The following ABTB2 variants were observed in gnomAD, a reference collection of about 807,000 sequenced individuals.
The protein encoded by ABTB2 is ankyrin repeat and BTB domain containing 2.
Under a neutral mutation model 104.1 loss-of-function variants are expected in ABTB2, and 56 were observed. The ratio of observed to expected loss-of-function variants is 0.54; its 90% confidence interval spans 0.43 to 0.67. The LOEUF (loss-of-function observed/expected upper bound fraction) is 0.67. ABTB2 is among the 30% of genes least tolerant of loss of function. ABTB2 has a pLI of 0.00. For missense variants in ABTB2, 1,279 were observed against 1,407.7 expected (o/e 0.91, Z 1.46); for synonymous variants, 606 against 608.2 (o/e 1.00, Z 0.05).
At chr11:34,206,511 T>C (rs536704963) in intron 1 of ABTB2, among the ~76,000 whole-genome samples, 1 of 152,236 alleles carries the variant, frequency 6.6e-6, no homozygotes, top group Non-Finnish European at 1.5e-5. Context: ...AGGATTCAAA[T>C]CTGGGATGGA....
chr11:34,166,251 C>T (rs1020521304), intron 7 of ABTB2, among the ~76,000 whole-genome samples: 14 of 152,242 alleles, frequency 9.2e-5, no homozygotes, highest in Non-Finnish European at 1.9e-4. Context: ...TTCAGGCTGA[C>T]CTCTCAGTCC....
At chr11:34,255,329 G>A (rs1004470805) in intron 1 of ABTB2, among the ~76,000 whole-genome samples, 1 of 152,146 alleles carries the variant, frequency 6.6e-6, no homozygotes, top group Non-Finnish European at 1.5e-5. Context: ...ACTCTGGGAA[G>A]TAAAAGGAAG....
chr11:34,299,490 T>A (rs930278119), intron 1 of ABTB2, among the ~76,000 whole-genome samples: 2 of 152,156 alleles, frequency 1.3e-5, no homozygotes, highest in Non-Finnish European at 2.9e-5. Flanking sequence ...CAGAAAACAA[T>A]GAAGGCAGTT....
At chr11:34,214,139 A>ACACACACACAC (rs1853519948) in intron 1 of ABTB2, among the ~76,000 whole-genome samples, 138 of 139,264 alleles carry the variant, frequency 9.9e-4, no homozygotes, top group African/African-American at 3.8e-3. Context: ...GCACATTCAA[A>ACACACACACAC]ACACACACAC....
At chr11:34,351,093 T>C (rs982318937) in intron 1 of ABTB2, among the ~76,000 whole-genome samples, 2 of 152,006 alleles carry the variant, frequency 1.3e-5, no homozygotes, top group Non-Finnish European at 2.9e-5. Context: ...ATACTGATGG[T>C]GAGGTGGGAT....
chr11:34,312,005 G>T (rs2133105556), intron 1 of ABTB2, among the ~76,000 whole-genome samples: 1 of 152,244 alleles, frequency 6.6e-6, no homozygotes, highest in East Asian at 1.9e-4. Flanking sequence ...GCAGGTCATG[G>T]TGGCGCACGC....
intron 1 of ABTB2, among the ~76,000 whole-genome samples, chr11:34,315,706 G>A (rs1322523651): frequency 1.3e-5 from 2 of 152,192 alleles, no homozygotes; most frequent in Non-Finnish European, 2.9e-5. Context: ...AGGCTTTACT[G>A]TGGTAAGTAT....
chr11:34,248,987 G>A lies in ABTB2; in HGVS notation c.884-44297C>T, dbSNP rs934043213. ...TTCTACTAAAAATACAAAATTAGCCGGGCGTGGTGGCACATGCTGTAATCC... is the reference window on the plus strand; with the variant it reads ...TTCTACTAAAAATACAAAATTAGCCAGGCGTGGTGGCACATGCTGTAATCC... On this transcript the variant is annotated intron_variant, in intron 1 of 16. Coordinates refer to ENST00000435224, the MANE Select transcript of ABTB2 (RefSeq NM_145804.3). 5.3e-5 allele frequency among the ~76,000 whole-genome samples: 8 copies of A among 152,170 alleles called. 1 individual carries two copies. The South Asian group carries it at 6.2e-4, about 12-fold the overall frequency.
At position 34,201,553 on chromosome 11, in the gene ABTB2, C is replaced by G. The variant is rs73489707; in HGVS notation, c.1030+2991G>C. 4.8e-3 allele frequency among the ~76,000 whole-genome samples: 724 copies of G among 152,252 alleles called. 9 individuals are homozygous for G. Among genetic ancestry groups the G allele is most frequent in the African/African-American group, 0.017 (707 of 41,534 alleles). On this transcript the variant is annotated intron_variant, in intron 2 of 16. Coordinates refer to ENST00000435224, the MANE Select transcript of ABTB2 (RefSeq NM_145804.3). ...CTCATACAAGAGTGAAACTTCTCAC[C>G]CTATCTGGCAGCCTGATGTTGGAGA...
At chr11:34,234,214 G>A (rs1422434224) in intron 1 of ABTB2, among the ~76,000 whole-genome samples, 1 of 152,182 alleles carries the variant, frequency 6.6e-6, no homozygotes, top group Non-Finnish European at 1.5e-5. Context: ...GCCTAAAGCA[G>A]GCTGTGAGTC....
Position 34,357,549 on chromosome 11 carries a change from AG to A in ABTB2, c.34del (p.Leu12TrpfsTer4). On this transcript the variant is annotated frameshift_variant, in exon 1 of 17. Coordinates refer to ENST00000435224, the MANE Select transcript of ABTB2 (RefSeq NM_145804.3). LOFTEE classifies it high-confidence loss of function. ...CCCGGAGTCCAAGGTCAAGTCCTCCAGCGTCTTCAGAGTCGAGCTGTACGTC... is the reference window on the plus strand; with the variant it reads ...CCCGGAGTCCAAGGTCAAGTCCTCCACGTCTTCAGAGTCGAGCTGTACGTC... ...AGTYSSTLKTLEDLTLDSGYG... is the reference protein window; with the variant it reads ...AGTYSSTLKTXEDLTLDSGYG... The A allele has an allele frequency of 6.5e-7, 1 of 1,533,210 alleles. No individual in the cohort carries two copies. Among genetic ancestry groups the A allele is most frequent in the South Asian group, 1.2e-5 (1 of 83,878 alleles). The allele number at this position is 1,533,210 out of a possible 1,614,324, so 95.0% of individuals were successfully genotyped here.
intron 1 of ABTB2, among the ~76,000 whole-genome samples, chr11:34,220,798 C>T (rs573791548): frequency 5.8e-4 from 89 of 152,226 alleles, no homozygotes; most frequent in Middle Eastern, 3.4e-3. Context: ...TACCACAGAC[C>T]GGGTGGCTTC....
chr11:34,317,921 T>C (rs1471581060), intron 1 of ABTB2, among the ~76,000 whole-genome samples: 1 of 151,968 alleles, frequency 6.6e-6, no homozygotes, highest in African/African-American at 2.4e-5. Flanking sequence ...TAATATGTAA[T>C]TTTTCAACCC....
chr11:34,259,701 G>A (rs909590262), intron 1 of ABTB2, among the ~76,000 whole-genome samples: 1 of 152,124 alleles, frequency 6.6e-6, no homozygotes, highest in African/African-American at 2.4e-5. Context: ...CCTATCAATG[G>A]CGTTTCAAAA....
chr11:34,191,068 G>A (rs1853169207), intron 3 of ABTB2, among the ~76,000 whole-genome samples: 1 of 152,178 alleles, frequency 6.6e-6, no homozygotes. Flanking sequence ...ACACCTCTGG[G>A]ATGACCCAAG....
chr11:34,255,285 C>A (rs182070537), intron 1 of ABTB2, among the ~76,000 whole-genome samples: 1 of 152,274 alleles, frequency 6.6e-6, no homozygotes, highest in East Asian at 1.9e-4. Flanking sequence ...GGAGCCCTAT[C>A]AGGATCCACA....
chr11:34,332,439 C>T (rs1016727815), intron 1 of ABTB2, among the ~76,000 whole-genome samples: 13 of 152,174 alleles, frequency 8.5e-5, no homozygotes, highest in Non-Finnish European at 7.4e-5. Context: ...AAATGTAACC[C>T]CCACACTCAC....
intron 1 of ABTB2, among the ~76,000 whole-genome samples, chr11:34,330,400 T>G (rs1855114687): frequency 6.6e-6 from 1 of 152,212 alleles, no homozygotes; most frequent in African/African-American, 2.4e-5. Flanking sequence ...TTGCACAGAG[T>G]TATTTTAAGA....
intron 1 of ABTB2, among the ~76,000 whole-genome samples, chr11:34,245,826 T>A (rs573529936): frequency 6.6e-6 from 1 of 152,216 alleles, no homozygotes; most frequent in Non-Finnish European, 1.5e-5. Context: ...AAAGCCCATC[T>A]CACCAGCTCC....
Sources: gnomAD v4.1 joint callset for allele counts (sites outside exome capture counted in the v4.1 genomes callset) on GRCh38, gnomAD v4.1.1 for gene constraint, MANE v1.5 for transcripts, NCBI Gene and HGNC (gene_info 2026-07-23, HGNC 2026-07-21) for gene names.